Variants in TSHZ2 observed in about 807,000 individuals in gnomAD.
TSHZ2 encodes the protein teashirt zinc finger homeobox 2.
TSHZ2 carries 21 observed loss-of-function variants against 74.4 expected under a neutral mutation model. That is an observed-to-expected ratio of 0.28 (90% CI 0.20 to 0.41). The LOEUF (loss-of-function observed/expected upper bound fraction) is 0.41. Among genes scored for constraint, TSHZ2 ranks in the 10% least tolerant of loss-of-function variants. TSHZ2 has a pLI of 1.00. For missense variants in TSHZ2, 1,244 were observed against 1,293.5 expected (o/e 0.96, Z 0.59); for synonymous variants, 540 against 515.3 (o/e 1.05, Z -0.65).
intron 2 of TSHZ2, among the ~76,000 whole-genome samples, chr20:53,391,762 G>A (rs1178618175): frequency 6.6e-6 from 1 of 152,160 alleles, no homozygotes. Flanking sequence ...GGCCAACATG[G>A]CGAAACCCTG....
At chr20:53,296,052 A>T (rs900328706) in intron 2 of TSHZ2, among the ~76,000 whole-genome samples, 8 of 152,018 alleles carry the variant, frequency 5.3e-5, no homozygotes, top group Non-Finnish European at 7.4e-5. Flanking sequence ...AAAAAAAAAA[A>T]AAATCCAGGC....
chr20:53,489,049 TGAGATGGCAGTC>T lies in TSHZ2; in HGVS notation c.*1917_*1928del, dbSNP rs1269006041. On this transcript the variant is annotated 3_prime_UTR_variant, in exon 3 of 3. Transcript: ENST00000371497. ...AAATATACCCCTCACATCATCGGATTGAGATGGCAGTCGAAATAGCTTCATTGAAGTGTCAGC... is the reference window on the plus strand; with the variant it reads ...AAATATACCCCTCACATCATCGGATTGAAATAGCTTCATTGAAGTGTCAGC... 4 of 456,028 alleles carry T rather than the reference TGAGATGGCAGTC, an allele frequency of 8.8e-6. No homozygotes were observed. Among genetic ancestry groups the T allele is most frequent in the Non-Finnish European group, 1.8e-5 (4 of 226,948 alleles). 28.2% of individuals were successfully genotyped at this position (456,028 alleles called of 1,614,324 possible).
chr20:53,059,638 G>A (rs1984756027), intron 1 of TSHZ2, among the ~76,000 whole-genome samples: 1 of 152,188 alleles, frequency 6.6e-6, no homozygotes, highest in Non-Finnish European at 1.5e-5. Flanking sequence ...TGATTAGTAA[G>A]AGGTTATTAA....
In TSHZ2 at chr20:53,255,658, C is replaced by A; in HGVS notation, c.2200C>A (p.Leu734Ile). 6.3e-7 allele frequency: 1 copy of A among 1,575,538 alleles called. No individual in the cohort carries two copies. Among genetic ancestry groups the A allele is most frequent in the South Asian group, 1.2e-5 (1 of 83,726 alleles). The change falls in exon 2 of 3, where the codon CTC becomes ATC. Residue 734 changes from leucine to isoleucine, a missense_variant. Physicochemically the swap from Leu to Ile is conservative, Grantham distance 5. Around this residue, in one of 6 missense-constraint regions of TSHZ2, gnomAD observed 562 missense variants for 544.0 expected, o/e 1.03. Coordinates refer to ENST00000371497, the MANE Select transcript of TSHZ2 (RefSeq NM_173485.6). This position sits in a 1 kb window ranked among gnomAD's most constrained non-coding sequence, Gnocchi z 4.1. ...AATTTCCATGTTCCACAAGTCGAAT[C>A]TCAATGTCATGGACAAGCCGGTCTT... ...STISMFHKSNLNVMDKPVLSP... is the reference protein window; with the variant it reads ...STISMFHKSNINVMDKPVLSP...
chr20:52,977,286 T>C (rs1429951981), intron 1 of TSHZ2, among the ~76,000 whole-genome samples: 6 of 152,124 alleles, frequency 3.9e-5, no homozygotes, highest in African/African-American at 1.4e-4. Flanking sequence ...ATCGGGTAGA[T>C]TTGGGACCCT....
intron 1 of TSHZ2, among the ~76,000 whole-genome samples, chr20:53,094,357 C>T (rs908454067): frequency 1.3e-5 from 2 of 152,060 alleles, no homozygotes; most frequent in Non-Finnish European, 1.5e-5. Flanking sequence ...ACTTAAGGGC[C>T]CACTAAAAAC....
At chr20:53,027,783 C>G (rs776651340) in intron 1 of TSHZ2, among the ~76,000 whole-genome samples, 1 of 151,928 alleles carries the variant, frequency 6.6e-6, no homozygotes, top group Non-Finnish European at 1.5e-5. Context: ...ATGTAGAGAC[C>G]CTGAAGGGAC....
At chr20:53,170,283 C>T (rs1988167350) in intron 1 of TSHZ2, among the ~76,000 whole-genome samples, 1 of 152,196 alleles carries the variant, frequency 6.6e-6, no homozygotes, top group Admixed American at 6.5e-5. Flanking sequence ...ATGAAATTGA[C>T]ATCTAGGCTA....
intron 2 of TSHZ2, among the ~76,000 whole-genome samples, chr20:53,445,847 T>C (rs1984525010): frequency 1.3e-5 from 2 of 152,192 alleles, no homozygotes; most frequent in African/African-American, 4.8e-5. Flanking sequence ...CCTTGTATTA[T>C]CTATATGTCA....
chr20:53,370,849 C>T (rs1981442750), intron 2 of TSHZ2, among the ~76,000 whole-genome samples: 1 of 152,212 alleles, frequency 6.6e-6, no homozygotes, highest in Admixed American at 6.5e-5. Context: ...TTTCCTGGAG[C>T]TGCTATAACA....
Position 53,469,673 on chromosome 20 carries a change from G to GAAGC in TSHZ2, c.*9-17468_*9-17467insCAAG, listed in dbSNP as rs1985713912. Among the ~76,000 whole-genome samples, 2 of 68,408 alleles carry GAAGC rather than the reference G, an allele frequency of 2.9e-5. 1 individual carries two copies. Among genetic ancestry groups the GAAGC allele is most frequent in the African/African-American group, 1.1e-4 (2 of 17,972 alleles). 44.9% of individuals were successfully genotyped at this position (68,408 alleles called of 152,430 possible). On this transcript the variant is annotated intron_variant, in intron 2 of 2. Transcript: ENST00000371497. The stretch of plus-strand genomic sequence containing the variant: ...GGAAGGAAGGAAGGAAGGAAGGAAG[G>GAAGC]AAGGAAGGAAGGACGGACCCAAGAA...
intron 1 of TSHZ2, among the ~76,000 whole-genome samples, chr20:53,197,094 ACTTTGT>A (rs913669141): frequency 4.6e-5 from 7 of 152,202 alleles, no homozygotes; most frequent in African/African-American, 1.7e-4. Context: ...TAACAGTGTG[ACTTTGT>A]CTTTGACATT....
chr20:52,990,686 C>T (rs1021199840), intron 1 of TSHZ2, among the ~76,000 whole-genome samples: 3 of 152,096 alleles, frequency 2.0e-5, no homozygotes, highest in Admixed American at 6.5e-5. Flanking sequence ...CAGTCAATCC[C>T]GCAATTTAAC....
chr20:53,031,510 C>T (rs1451968838), intron 1 of TSHZ2, among the ~76,000 whole-genome samples: 1 of 152,076 alleles, frequency 6.6e-6, no homozygotes, highest in Non-Finnish European at 1.5e-5. Context: ...CAGGAATTGT[C>T]TGGGTTTATA....
At chr20:52,987,890 A>G (rs1600631797) in intron 1 of TSHZ2, among the ~76,000 whole-genome samples, 1 of 152,352 alleles carries the variant, frequency 6.6e-6, no homozygotes, top group East Asian at 1.9e-4. Flanking sequence ...TTTATTTCTT[A>G]CACCCTACAA....
intron 1 of TSHZ2, among the ~76,000 whole-genome samples, chr20:53,157,940 C>A (rs1439810540): frequency 1.3e-5 from 2 of 151,506 alleles, no homozygotes; most frequent in African/African-American, 4.9e-5. Flanking sequence ...CAGCCACAAA[C>A]CAATGAATTT....
chr20:53,298,185 A>G (rs4811423), intron 2 of TSHZ2, among the ~76,000 whole-genome samples: 19,374 of 152,308 alleles, frequency 0.13, 1,330 homozygotes, highest in Middle Eastern at 0.24. Context: ...TTGAAAACCC[A>G]CTATACGCCA....
chr20:53,410,533 C>T (rs1233760493), intron 2 of TSHZ2, among the ~76,000 whole-genome samples: 3 of 151,702 alleles, frequency 2.0e-5, no homozygotes, highest in African/African-American at 4.8e-5. Context: ...ACTCTCTGGG[C>T]TTGGCATACA....
At chr20:53,331,001 C>T (rs1979700850) in intron 2 of TSHZ2, among the ~76,000 whole-genome samples, 1 of 152,138 alleles carries the variant, frequency 6.6e-6, no homozygotes, top group African/African-American at 2.4e-5. Context: ...GAGAAACACC[C>T]CAGCTCTGAA....
Sources: gnomAD v4.1 joint callset for allele counts (sites outside exome capture counted in the v4.1 genomes callset) on GRCh38, gnomAD v4.1.1 for gene constraint, gnomAD v4.1.1 regional missense constraint, Gnocchi (gnomAD v3.1) non-coding constraint, MANE v1.5 for transcripts, NCBI Gene and HGNC (gene_info 2026-07-23, HGNC 2026-07-21) for gene names.